The following CNTNAP2 variants were observed in gnomAD, a reference collection of about 807,000 sequenced individuals.
CNTNAP2 encodes the protein contactin associated protein 2, also known as contactin-associated protein-like 2.
A neutral mutation model predicts 155.2 loss-of-function variants in CNTNAP2; 98 were observed. That is an observed-to-expected ratio of 0.63 (90% CI 0.54 to 0.75). CNTNAP2 has a LOEUF of 0.75. Ranked by LOEUF, CNTNAP2 falls within the 30% of genes least tolerant of loss-of-function variation. The pLI, the probability that CNTNAP2 is intolerant of heterozygous loss-of-function variation, is 0.00. For synonymous variants in CNTNAP2, 651 were observed against 631.2 expected, an observed-to-expected ratio of 1.03 and a Z score of -0.47; for missense variants, 1,727 against 1,688.1, an observed-to-expected ratio of 1.02 and a Z score of -0.40.
At chr7:148,200,820 T>G (rs1400899007) in intron 18 of CNTNAP2, among the ~76,000 whole-genome samples, 1 of 152,234 alleles carries the variant, frequency 6.6e-6, no homozygotes, top group Non-Finnish European at 1.5e-5. Context: ...GCAGGCAGGT[T>G]GTTTACCTTC....
chr7:146,961,632 T>G (rs1797559622), intron 3 of CNTNAP2, among the ~76,000 whole-genome samples: 1 of 152,058 alleles, frequency 6.6e-6, no homozygotes, highest in Non-Finnish European at 1.5e-5. Flanking sequence ...GAAAATTTAA[T>G]GAGAAATGGG....
At chr7:146,526,041 G>A (rs771796692) in intron 1 of CNTNAP2, among the ~76,000 whole-genome samples, 3 of 152,056 alleles carry the variant, frequency 2.0e-5, no homozygotes, top group Non-Finnish European at 2.9e-5. Context: ...ATTGAGTGAA[G>A]CTTTTTTTTC....
chr7:148,013,619 A>G (rs967568674), intron 15 of CNTNAP2, among the ~76,000 whole-genome samples: 2 of 152,238 alleles, frequency 1.3e-5, no homozygotes, highest in African/African-American at 4.8e-5. Context: ...ACTGAATCAT[A>G]TGCCAACCCC....
intron 11 of CNTNAP2, among the ~76,000 whole-genome samples, chr7:147,524,382 C>T (rs1236255061): frequency 6.6e-6 from 1 of 152,178 alleles, no homozygotes; most frequent in East Asian, 1.9e-4. Context: ...AAGAGTGAAA[C>T]TCCATCTCAA....
intron 1 of CNTNAP2, among the ~76,000 whole-genome samples, chr7:146,126,861 G>A (rs1028716698): frequency 6.6e-6 from 1 of 152,010 alleles, no homozygotes; most frequent in Non-Finnish European, 1.5e-5. Context: ...GTATCCATCC[G>A]CTGCTCTCCA....
chr7:146,728,832 A>C (rs1801476978), intron 1 of CNTNAP2, among the ~76,000 whole-genome samples: 1 of 152,184 alleles, frequency 6.6e-6, no homozygotes, highest in African/African-American at 2.4e-5. Flanking sequence ...GGTCAGAACC[A>C]GGCAGGGTGT....
intron 12 of CNTNAP2, among the ~76,000 whole-genome samples, chr7:147,564,987 A>G (rs746743157): frequency 1.3e-5 from 2 of 152,178 alleles, no homozygotes; most frequent in Non-Finnish European, 2.9e-5. Context: ...TGGATTTAAC[A>G]TCATAAAGAG....
intron 13 of CNTNAP2, among the ~76,000 whole-genome samples, chr7:147,710,350 C>T (rs1175015025): frequency 1.3e-5 from 2 of 152,134 alleles, no homozygotes; most frequent in Non-Finnish European, 1.5e-5. Flanking sequence ...TGTTTCCCAC[C>T]ATCACCACTC....
chr7:146,217,106 T>C (rs140388815), intron 1 of CNTNAP2, among the ~76,000 whole-genome samples: 1 of 152,350 alleles, frequency 6.6e-6, no homozygotes, highest in East Asian at 1.9e-4. Flanking sequence ...TTTGAAAGTA[T>C]GGGAACACTT....
chr7:147,364,220 C>A (rs1464007879), intron 9 of CNTNAP2, among the ~76,000 whole-genome samples: 1 of 152,114 alleles, frequency 6.6e-6, no homozygotes, highest in Non-Finnish European at 1.5e-5. Flanking sequence ...GATAAAAGAT[C>A]CAAAATACTT....
intron 13 of CNTNAP2, among the ~76,000 whole-genome samples, chr7:147,642,620 T>C (rs190376336): frequency 6.6e-6 from 1 of 152,146 alleles, no homozygotes; most frequent in Non-Finnish European, 1.5e-5. Context: ...TTCCTAATAA[T>C]GAGATGAAGA....
At chr7:146,520,313 CATAT>C (rs59563196) in intron 1 of CNTNAP2, among the ~76,000 whole-genome samples, 5,818 of 140,780 alleles carry the variant, frequency 0.041, 301 homozygotes, top group African/African-American at 0.12. Flanking sequence ...TAGATATATT[CATAT>C]ATATATATAT....
intron 15 of CNTNAP2, among the ~76,000 whole-genome samples, chr7:148,116,830 T>C (rs1804484793): frequency 6.6e-6 from 1 of 152,240 alleles, no homozygotes; most frequent in Non-Finnish European, 1.5e-5. Context: ...TAGAAACTAA[T>C]GGAGTGCACT....
chr7:148,168,411 A>T (rs1281343235), intron 17 of CNTNAP2, among the ~76,000 whole-genome samples: 2 of 152,126 alleles, frequency 1.3e-5, no homozygotes, highest in African/African-American at 4.8e-5. Flanking sequence ...TGTCCTTTCT[A>T]GGGACATGGA....
At chr7:146,385,919 A>G (rs1795453429) in intron 1 of CNTNAP2, among the ~76,000 whole-genome samples, 1 of 152,222 alleles carries the variant, frequency 6.6e-6, no homozygotes, top group Admixed American at 6.5e-5. Context: ...AATGGCAAAC[A>G]ATGTGTTTCC....
intron 1 of CNTNAP2, among the ~76,000 whole-genome samples, chr7:146,439,401 T>A (rs989168905): frequency 2.0e-5 from 3 of 151,588 alleles, no homozygotes; most frequent in African/African-American, 7.3e-5. Flanking sequence ...CTGGCCTTCT[T>A]TTTTCCCTTA....
At chr7:147,596,271 T>C (rs574602006) in intron 12 of CNTNAP2, among the ~76,000 whole-genome samples, 15 of 152,302 alleles carry the variant, frequency 9.8e-5, no homozygotes. Flanking sequence ...ACCTGCCATA[T>C]CCAACCCACC....
intron 20 of CNTNAP2, among the ~76,000 whole-genome samples, chr7:148,241,305 A>C (rs886117850): frequency 6.6e-6 from 1 of 152,214 alleles, no homozygotes; most frequent in African/African-American, 2.4e-5. Context: ...TCTTAAAAGC[A>C]AAAAATAAAA....
At chr7:146,284,930 C>A (rs1584847838) in intron 1 of CNTNAP2, among the ~76,000 whole-genome samples, 1 of 152,342 alleles carries the variant, frequency 6.6e-6, no homozygotes, top group South Asian at 2.1e-4. Context: ...CTTGTGGTTT[C>A]ATCGCTTGCT....
Sources: allele counts gnomAD v4.1 joint callset (sites outside exome capture counted in the v4.1 genomes callset), GRCh38; gene constraint gnomAD v4.1.1; transcripts MANE v1.5; gene names NCBI Gene and HGNC (gene_info 2026-07-23, HGNC 2026-07-21).